Variants in DEF6 observed in about 807,000 individuals in gnomAD.
The protein encoded by DEF6 is differentially expressed in FDCP 6 homolog.
In DEF6, 32 loss-of-function variants were observed where a neutral mutation model predicts 80.5. The observed-to-expected ratio is 0.40, with a 90% CI of 0.30 to 0.53. The LOEUF (loss-of-function observed/expected upper bound fraction) is 0.53. Ranked by LOEUF, DEF6 falls within the 20% of genes least tolerant of loss-of-function variation. DEF6 has a pLI of 0.57. For synonymous variants in DEF6, 300 were observed against 337.9 expected (o/e 0.89, Z 1.23); for missense variants, 575 against 818.7 (o/e 0.70, Z 3.63).
chr6:35,302,606 T>A (rs1369733546), intron 1 of DEF6, among the ~76,000 whole-genome samples: 1 of 151,784 alleles, frequency 6.6e-6, no homozygotes, highest in Non-Finnish European at 1.5e-5. Context: ...GAGGAAAGAG[T>A]GAATAGATGA....
intron 1 of DEF6, among the ~76,000 whole-genome samples, chr6:35,306,380 G>A (rs569311399): frequency 3.3e-5 from 5 of 151,730 alleles, no homozygotes; most frequent in East Asian, 3.9e-4. Flanking sequence ...GCATGGTGGC[G>A]GGCGCCTGTA....
chr6:35,306,870 C>T (rs1240963599), intron 1 of DEF6, among the ~76,000 whole-genome samples: 1 of 152,236 alleles, frequency 6.6e-6, no homozygotes, highest in Non-Finnish European at 1.5e-5. Context: ...GGAGCAGACC[C>T]TATCATTATC....
rs1051751682 is a variant in DEF6 at position 35,308,508 on chromosome 6, A to C, written c.97-1162A>C. ...GCCAACATGGTGAAACCCTGTCTCT[A>C]CTAAAAATACAAAAATTAGCTGAAT... On this transcript the variant is annotated intron_variant, in intron 1 of 10. Coordinates refer to ENST00000316637, the MANE Select transcript of DEF6 (RefSeq NM_022047.4). Among the ~76,000 whole-genome samples the C allele has an allele frequency of 2.0e-5, 3 of 151,942 alleles. No individual in the cohort carries two copies. The East Asian group carries it at 5.8e-4, about 29-fold the overall frequency.
rs377408013 is a variant in DEF6, at chr6:35,321,523, G to A, written c.*113G>A. ...AGAGGGAGCTGAGGTCCTGGTGCCAGGGGCCCAGGCCCTCCAACCATAAAC... is the reference window on the plus strand; with the variant it reads ...AGAGGGAGCTGAGGTCCTGGTGCCAAGGGCCCAGGCCCTCCAACCATAAAC... On this transcript the variant is annotated 3_prime_UTR_variant, in exon 11 of 11. Transcript: ENST00000316637. 68 of 991,478 alleles carry A rather than the reference G, an allele frequency of 6.9e-5. No individual in the cohort carries two copies. In the East Asian group the frequency reaches 1.6e-3, roughly 23 times the overall value. 61.4% of individuals were successfully genotyped at this position (991,478 alleles called of 1,614,324 possible). A position where few individuals can be genotyped will look rare whatever the true frequency, so the allele number is the denominator to read the frequency against.
At chr6:35,308,722 TAAAATAAATAAAATAATAA>T (rs1791424815) in intron 1 of DEF6, among the ~76,000 whole-genome samples, 1 of 141,978 alleles carries the variant, frequency 7.0e-6, no homozygotes, top group African/African-American at 2.6e-5. Context: ...TAAAATAAAA[TAAAATAAATAAAATAATAA>T]AATAAAATAA....
Position 35,310,627 on chromosome 6 carries a change from A to G in DEF6, c.406A>G (p.Ile136Val). The G allele has an allele frequency of 6.2e-7, 1 of 1,614,158 alleles. No homozygotes were observed. Among genetic ancestry groups the G allele is most frequent in the Non-Finnish European group, 8.5e-7 (1 of 1,180,012 alleles). ...CCTGTCTGAGGACAAGTACCCTCTG[A>G]TCATGGTTCCTGATGAGGTGAGGGT... is the stretch of plus-strand genomic sequence containing the variant. ...NFLSEDKYPLIMVPDEVEYLL... is the reference protein window; with the variant it reads ...NFLSEDKYPLVMVPDEVEYLL... The change falls in exon 3 of 11, where the codon ATC becomes GTC. Residue 136 changes from isoleucine to valine, a missense_variant. Physicochemically the swap from Ile to Val is conservative, Grantham distance 29 (BLOSUM62 3). Transcript: ENST00000316637.
intron 5 of DEF6, among the ~76,000 whole-genome samples, chr6:35,315,739 G>C (rs1791517359): frequency 2.6e-5 from 4 of 151,604 alleles, no homozygotes; most frequent in Admixed American, 2.6e-4. Context: ...TTCTTTTTCA[G>C]ATTGTTTGCT....
chr6:35,319,183 TTA>T lies in DEF6; in HGVS notation c.1216-338_1216-337del, dbSNP rs1050592069. Among the ~76,000 whole-genome samples the T allele has an allele frequency of 5.9e-4, 90 of 151,816 alleles. No individual in the cohort carries two copies. The highest frequency in any genetic ancestry group is 1.5e-4 in the Non-Finnish European group (10 of 67,986). On this transcript the variant is annotated intron_variant, in intron 7 of 10. Coordinates refer to ENST00000316637, the MANE Select transcript of DEF6 (RefSeq NM_022047.4). This position sits in a 1 kb window ranked among gnomAD's most constrained non-coding sequence, Gnocchi z 4.5. ...CATGATTATAACATATTATTATATA[TTA>T]TAATAATTATTAAGTTAGTGCTAGG...
Position 35,317,923 on chromosome 6 carries a change from G to A in DEF6, c.840G>A (p.Met280Ile). 1.2e-6 allele frequency: 2 copies of A among 1,613,996 alleles called. No individual in the cohort carries two copies. The highest frequency in any genetic ancestry group is 1.7e-6 in the Non-Finnish European group (2 of 1,180,002). The change falls in exon 6 of 11, where the codon ATG becomes ATA. Residue 280 changes from methionine (M) to isoleucine (I), a missense_variant. Transcript: ENST00000316637. ...CAGACCGCGACGGAAAGCGCTGCAT[G>A]TTCTGTGTGAAGACAGCCAACCGCA... is the stretch of plus-strand genomic sequence containing the variant. ...VLPDRDGKRC[M>I]FCVKTANRTY...
chr6:35,303,813 A>G (rs548758201), intron 1 of DEF6, among the ~76,000 whole-genome samples: 22 of 151,864 alleles, frequency 1.4e-4, no homozygotes, highest in African/African-American at 5.1e-4. Flanking sequence ...CCTGGGCAAC[A>G]TAGTGAAAGC....
intron 1 of DEF6, among the ~76,000 whole-genome samples, chr6:35,303,180 G>A (rs957319899): frequency 4.6e-5 from 7 of 152,150 alleles, no homozygotes; most frequent in South Asian, 2.1e-4. Context: ...CTGACAGCAC[G>A]CGGGGGTCAG....
At chr6:35,317,649 C>G in intron 5 of DEF6, 1 of 461,936 alleles carries the variant, frequency 2.2e-6, no homozygotes, top group Non-Finnish European at 3.9e-6. Context: ...ATGTACTGGG[C>G]CCCGTGGAAT....
chr6:35,304,967 G>A (rs999411909), intron 1 of DEF6, among the ~76,000 whole-genome samples: 8 of 148,722 alleles, frequency 5.4e-5, no homozygotes, highest in African/African-American at 2.0e-4. Context: ...GAAGAAATTC[G>A]GGGCTGCGCT....
chr6:35,310,685 C>A, intron 3 of DEF6, 41 bp downstream of exon 3: 1 of 1,609,698 alleles, frequency 6.2e-7, no homozygotes, highest in Non-Finnish European at 8.5e-7. Context: ...TCACTTGGGA[C>A]CAGACCTAAG....
chr6:35,312,349 G>T lies in DEF6; in HGVS notation c.471G>T (p.Val157=). ...KKVLSSMSLE[V]SLGELEELLA... The stretch of plus-strand genomic sequence containing the variant: ...TACTCAGCAGCATGAGCTTGGAGGT[G>T]AGCTTGGGTGAGCTGGAGGAGCTTC... The change falls in exon 4 of 11, where the codon GTG becomes GTT. Residue 157 remains valine (V), a synonymous_variant. Coordinates refer to ENST00000316637, the MANE Select transcript of DEF6 (RefSeq NM_022047.4). This position sits in a 1 kb window ranked among gnomAD's most constrained non-coding sequence, Gnocchi z 6.6. 1 of 1,614,164 alleles carries T rather than the reference G, an allele frequency of 6.2e-7. No individual in the cohort carries two copies.
chr6:35,299,723 C>T (rs1791288706), intron 1 of DEF6, among the ~76,000 whole-genome samples: 1 of 152,170 alleles, frequency 6.6e-6, no homozygotes, highest in Non-Finnish European at 1.5e-5. Flanking sequence ...TATAGAGTTC[C>T]CTCCTACTTG....
rs1370359355 is a variant in DEF6 at position 35,318,658 on chromosome 6, G to T, written c.1215+187G>T. Among the ~76,000 whole-genome samples the T allele has an allele frequency of 6.6e-6, 1 of 152,170 alleles. No individual in the cohort carries two copies. Among genetic ancestry groups the T allele is most frequent in the Non-Finnish European group, 1.5e-5 (1 of 68,024 alleles). ...GGGTTTGAAAAAGAGATTTGGGATG[G>T]GGCTTCCGCCAGGGACAGAACCTGG... On this transcript the variant is annotated intron_variant, in intron 7 of 10. Transcript: ENST00000316637. The surrounding 1 kb of genome is among the most constrained non-coding windows in gnomAD (Gnocchi z 5.1).
rs1791581617 is a variant in DEF6 at position 35,320,814 on chromosome 6, C to G, written c.1582-70C>G. 2.1e-6 allele frequency: 3 copies of G among 1,414,994 alleles called. No homozygotes were observed. The Admixed American group carries it at 6.0e-5, about 28-fold the overall frequency. The allele number at this position is 1,414,994 out of a possible 1,614,324, so 87.7% of individuals were successfully genotyped here. ...GGTCAGATTTTAAGCAGCCTGCGAA[C>G]CTGAAAAGATCAAGACTCCATGCCA... On this transcript the variant is annotated intron_variant, in intron 9 of 10. Transcript: ENST00000316637.
At chr6:35,310,409 C>A (rs140374568) in intron 2 of DEF6, 50 bp from the exon 3 acceptor site, 2 of 1,595,954 alleles carry the variant, frequency 1.3e-6, no homozygotes, top group South Asian at 2.2e-5. Flanking sequence ...AGCCTAGTGT[C>A]GTGGTAGAGC....
Sources: allele counts gnomAD v4.1 joint callset (sites outside exome capture counted in the v4.1 genomes callset), GRCh38; gene constraint gnomAD v4.1.1; non-coding constraint Gnocchi (gnomAD v3.1); transcripts MANE v1.5; gene names NCBI Gene and HGNC (gene_info 2026-07-23, HGNC 2026-07-21).